Variants in MTUS1 observed in about 807,000 individuals in gnomAD.
MTUS1 encodes microtubule-associated tumor suppressor 1.
MTUS1 carries 109 observed loss-of-function variants against 120.8 expected under a neutral mutation model. The observed-to-expected ratio is 0.90, with a 90% CI of 0.77 to 1.06. The LOEUF is 1.06. Among genes scored for constraint, MTUS1 ranks in the 50% least tolerant of loss-of-function variants. The pLI, the probability that MTUS1 is intolerant of heterozygous loss-of-function variation, is 0.00. For missense variants in MTUS1, 2,210 were observed against 1,486.3 expected, an observed-to-expected ratio of 1.49 and a Z score of -8.01; for synonymous variants, 737 against 550.5, an observed-to-expected ratio of 1.34 and a Z score of -4.74.
intron 1 of MTUS1, among the ~76,000 whole-genome samples, chr8:17,790,387 G>A (rs1277179980): frequency 6.6e-6 from 1 of 151,514 alleles, no homozygotes; most frequent in African/African-American, 2.4e-5. Flanking sequence ...AATAGTAGTT[G>A]CTATCCAGCA....
At chr8:17,690,275 A>AC (rs1374356676) in intron 6 of MTUS1, among the ~76,000 whole-genome samples, 1 of 152,232 alleles carries the variant, frequency 6.6e-6, no homozygotes, top group African/African-American at 2.4e-5. Flanking sequence ...AGTAGAACAT[A>AC]CGAAAAAATG....
chr8:17,673,366 G>T (rs939596148), intron 8 of MTUS1, among the ~76,000 whole-genome samples: 2 of 152,176 alleles, frequency 1.3e-5, no homozygotes, highest in Non-Finnish European at 2.9e-5. Context: ...AATAAAGTGA[G>T]GACTGATGTC....
chr8:17,666,530 A>AGT (rs1325153047), intron 8 of MTUS1, among the ~76,000 whole-genome samples: 1 of 152,224 alleles, frequency 6.6e-6, no homozygotes, highest in Admixed American at 6.5e-5. Context: ...CAGCTAGAGC[A>AGT]GTGTCAAAGG....
At chr8:17,789,306 C>G (rs964850581) in intron 1 of MTUS1, among the ~76,000 whole-genome samples, 1 of 152,178 alleles carries the variant, frequency 6.6e-6, no homozygotes, top group Non-Finnish European at 1.5e-5. Flanking sequence ...GCTGGGATTA[C>G]AGGTGTCAGC....
At chr8:17,768,935 G>GT (rs2049790678) in intron 1 of MTUS1, among the ~76,000 whole-genome samples, 1 of 152,056 alleles carries the variant, frequency 6.6e-6, no homozygotes, top group Non-Finnish European at 1.5e-5. Flanking sequence ...TTTTGTTTTT[G>GT]TTTTTTTAAT....
chr8:17,781,978 G>A (rs994355491), intron 1 of MTUS1, among the ~76,000 whole-genome samples: 6 of 152,194 alleles, frequency 3.9e-5, no homozygotes, highest in Non-Finnish European at 7.3e-5. Flanking sequence ...TGCTATAAAG[G>A]CCCTCCAAGG....
At chr8:17,743,383 T>C (rs576121380) in intron 3 of MTUS1, among the ~76,000 whole-genome samples, 2 of 152,308 alleles carry the variant, frequency 1.3e-5, no homozygotes, top group African/African-American at 4.8e-5. Flanking sequence ...GAATAGCTTA[T>C]AAGATGGTTT....
intron 6 of MTUS1, chr8:17,697,281 T>A: frequency 6.2e-7 from 1 of 1,613,994 alleles, no homozygotes; most frequent in African/African-American, 1.3e-5. Context: ...ACAGTGCTTC[T>A]CCTAAACCCT....
intron 1 of MTUS1, among the ~76,000 whole-genome samples, chr8:17,768,479 G>A (rs2049741987): frequency 1.3e-5 from 2 of 151,680 alleles, no homozygotes; most frequent in East Asian, 1.9e-4. Flanking sequence ...CTTTTTAAAA[G>A]AAAATCATAT....
chr8:17,731,803 TTATTATTATTCTTTTATTTAACCTC>T (rs1271656653), intron 3 of MTUS1, among the ~76,000 whole-genome samples: 1 of 152,224 alleles, frequency 6.6e-6, no homozygotes, highest in African/African-American at 2.4e-5. Flanking sequence ...TTGATAACTT[TTATTATTATTCTTTTATTTAACCTC>T]ACTGTGTCTA....
Position 17,656,063 on chromosome 8 carries a change from T to C in MTUS1, c.2908A>G (p.Thr970Ala). 6.2e-7 allele frequency: 1 copy of C among 1,614,126 alleles called. No homozygotes were observed. The highest frequency in any genetic ancestry group is 8.5e-7 in the Non-Finnish European group (1 of 1,179,968). The change falls in exon 9 of 15, where the codon ACT (threonine) becomes GCT (alanine). Residue 970 changes from threonine to alanine, a missense_variant and splice_region_variant. Coordinates refer to ENST00000693296, the MANE Select transcript of MTUS1 (RefSeq NM_001363059.2). ...AATTTCTCACAGGTGGTTGAAGCAG[T>C]GACTGAAAACAGAGGAGAAAGAAGA... ...ELVNLRGELV[T>A]ASTTCEKLEK... is the part of the protein sequence containing the mutation.
intron 6 of MTUS1, among the ~76,000 whole-genome samples, chr8:17,702,321 TTCCTTAG>T (rs1819257497): frequency 6.6e-6 from 1 of 152,226 alleles, no homozygotes; most frequent in Non-Finnish European, 1.5e-5. Context: ...TTTTCATATA[TTCCTTAG>T]TCCTTCATAT....
intron 7 of MTUS1, among the ~76,000 whole-genome samples, chr8:17,681,266 G>A (rs1275720581): frequency 6.6e-6 from 1 of 152,108 alleles, no homozygotes; most frequent in East Asian, 1.9e-4. Context: ...TTTGTGTACT[G>A]AATCTATGTA....
chr8:17,723,417 C>T (rs1321600234), intron 4 of MTUS1: 1 of 514,918 alleles, frequency 1.9e-6, no homozygotes, highest in African/African-American at 1.9e-5. Context: ...TACTCTTAAA[C>T]CTCCAAAACA....
intron 1 of MTUS1, among the ~76,000 whole-genome samples, chr8:17,778,771 T>C (rs1457972409): frequency 1.3e-5 from 2 of 152,162 alleles, no homozygotes; most frequent in Non-Finnish European, 2.9e-5. Context: ...ATAGCACCAC[T>C]GCATTCCAGC....
rs190604763 is a variant in MTUS1, at chr8:17,718,306, G to C, written c.2450-2405C>G. Among the ~76,000 whole-genome samples, 290 of 152,280 alleles carry C rather than the reference G, an allele frequency of 1.9e-3. 2 individuals are homozygous for C. The South Asian group carries it at 0.021, about 11-fold the overall frequency. On this transcript the variant is annotated intron_variant, in intron 4 of 14. Transcript: ENST00000693296. Reference sequence around the variant, plus strand: ...TATCCAAACAATAAAGTCCTCAGCGGCAACAATTCCAATATAAGAGATGCA... The same window carrying C: ...TATCCAAACAATAAAGTCCTCAGCGCCAACAATTCCAATATAAGAGATGCA...
rs755582336 is a variant in MTUS1 at position 17,654,727 on chromosome 8, G to A, written c.3109-61C>T. The A allele has an allele frequency of 4.4e-5, 53 of 1,191,586 alleles. 1 individual carries two copies. Among genetic ancestry groups the A allele is most frequent in the Middle Eastern group, 1.9e-4 (1 of 5,248 alleles). The allele number at this position is 1,191,586 out of a possible 1,614,324, so 73.8% of individuals were successfully genotyped here. A position where few individuals can be genotyped will look rare whatever the true frequency, so the allele number is the denominator to read the frequency against. ...AAACCAAATGTCCTAAGTTGAATACGCAAAGCAACCACATTAGGAGACGTC... is the reference window on the plus strand; with the variant it reads ...AAACCAAATGTCCTAAGTTGAATACACAAAGCAACCACATTAGGAGACGTC... On this transcript the variant is annotated intron_variant, in intron 9 of 14. Transcript: ENST00000693296.
intron 8 of MTUS1, among the ~76,000 whole-genome samples, chr8:17,661,865 C>G (rs1202863746): frequency 1.3e-5 from 2 of 152,168 alleles, no homozygotes; most frequent in Non-Finnish European, 2.9e-5. Flanking sequence ...CGGTGTGCTG[C>G]TGGGGAACAG....
rs746590126 is a variant in MTUS1 at position 17,753,942 on chromosome 8, G to A, written c.1866C>T (p.Asn622=). The stretch of plus-strand genomic sequence containing the variant: ...AAACGGACCCGGTCTCGCATGCTGA[G>A]TTAGAAGAACTGGCTTTGTCAACAT... ...QEDVDKASSS[N]SACETGSVSA... Residue 622 remains asparagine (N), a synonymous_variant, in exon 2 of 15, where the codon AAC becomes AAT. Coordinates refer to ENST00000693296, the MANE Select transcript of MTUS1 (RefSeq NM_001363059.2). 3 of 1,614,054 alleles carry A rather than the reference G, an allele frequency of 1.9e-6. No individual in the cohort carries two copies. The African/African-American group carries it at 4.0e-5, about 22-fold the overall frequency.
Sources: gnomAD v4.1 joint callset for allele counts (sites outside exome capture counted in the v4.1 genomes callset) on GRCh38, gnomAD v4.1.1 for gene constraint, MANE v1.5 for transcripts, NCBI Gene and HGNC (gene_info 2026-07-23, HGNC 2026-07-21) for gene names.